Variants in MIA3 observed in about 807,000 individuals in gnomAD.
MIA3 encodes transport and Golgi organization protein 1 homolog.
In MIA3, 90 loss-of-function variants were observed where a neutral mutation model predicts 192.4. That is an observed-to-expected ratio of 0.47 (90% CI 0.39 to 0.56). The LOEUF is 0.56. Among genes scored for constraint, MIA3 ranks in the 20% least tolerant of loss-of-function variants. MIA3 has a pLI of 0.00. For missense variants in MIA3, 2,123 were observed against 2,269.4 expected (o/e 0.94, Z 1.31); for synonymous variants, 740 against 792.8 (o/e 0.93, Z 1.12).
At chr1:222,648,287 A>G (rs1021575066) in intron 7 of MIA3, among the ~76,000 whole-genome samples, 11 of 152,188 alleles carry the variant, frequency 7.2e-5, no homozygotes, top group African/African-American at 2.4e-4. Context: ...TATTTATAGC[A>G]TTATTTTTAA....
intron 5 of MIA3, 112 bp downstream of exon 5, chr1:222,632,438 G>T: frequency 1.1e-6 from 1 of 921,510 alleles, no homozygotes; most frequent in Non-Finnish European, 1.6e-6. Flanking sequence ...AAGGAAAAAA[G>T]GATCCCAGAG....
intron 17 of MIA3, 26 bp from the exon 18 acceptor site, chr1:222,654,629 G>T: frequency 1.2e-6 from 2 of 1,610,886 alleles, no homozygotes; most frequent in Non-Finnish European, 1.7e-6. Context: ...CACACATATG[G>T]AACTCAAATG....
At chr1:222,655,962 CCTTTTTTTTTTT>C (rs1352913762) in intron 18 of MIA3, among the ~76,000 whole-genome samples, 32 of 71,282 alleles carry the variant, frequency 4.5e-4, no homozygotes, top group African/African-American at 1.1e-3. Context: ...ACTTTCTTTC[CCTTTTTTTTTTT>C]TTTTTTTTTT....
Position 222,667,635 on chromosome 1 carries a change from C to A in MIA3, c.*2016C>A, listed in dbSNP as rs1386538065. ...GTTGTGAGCCAGTCCATAACTGCTT[C>A]CTCACATCCATCTGATTGCACCATT... On this transcript the variant is annotated 3_prime_UTR_variant, in exon 28 of 28. Transcript: ENST00000344922. 6.6e-6 allele frequency: 1 copy of A among 152,166 alleles called. No homozygotes were observed. Among genetic ancestry groups the A allele is most frequent in the African/African-American group, 2.4e-5 (1 of 41,416 alleles). 9.4% of individuals were successfully genotyped at this position (152,166 alleles called of 1,614,324 possible).
At chr1:222,636,508 T>TA (rs1662631301) in intron 6 of MIA3, among the ~76,000 whole-genome samples, 1 of 35,414 alleles carries the variant, frequency 2.8e-5, no homozygotes, top group Admixed American at 3.1e-4. Flanking sequence ...GTGTCCATCT[T>TA]TTTTTTTTTT....
rs908871078 is a variant in MIA3, at chr1:222,667,580, G to T, written c.*1961G>T. ...GACATAATTGAGAAACTGGTAAGCTGTAAAGATTCCAGTGTAGCTTCTCTG... is the reference window on the plus strand; with the variant it reads ...GACATAATTGAGAAACTGGTAAGCTTTAAAGATTCCAGTGTAGCTTCTCTG... On this transcript the variant is annotated 3_prime_UTR_variant, in exon 28 of 28. Coordinates refer to ENST00000344922, the MANE Select transcript of MIA3 (RefSeq NM_198551.4). The T allele has an allele frequency of 6.6e-6, 1 of 152,152 alleles. No homozygotes were observed. The highest frequency in any genetic ancestry group is 1.5e-5 in the Non-Finnish European group (1 of 68,012). The allele number at this position is 152,152 out of a possible 1,614,324, so 9.4% of individuals were successfully genotyped here.
At chr1:222,664,322 C>T (rs1261612612) in intron 27 of MIA3, among the ~76,000 whole-genome samples, 174 bp downstream of exon 27, 2 of 152,200 alleles carry the variant, frequency 1.3e-5, no homozygotes, top group Non-Finnish European at 2.9e-5. Flanking sequence ...ACATAATCTC[C>T]TGTGATTAGA....
intron 6 of MIA3, among the ~76,000 whole-genome samples, chr1:222,643,717 G>A (rs1207345300): frequency 1.3e-5 from 2 of 151,922 alleles, no homozygotes; most frequent in African/African-American, 4.8e-5. Context: ...GATGGCTTGA[G>A]CCCCGGAGTT....
intron 6 of MIA3, among the ~76,000 whole-genome samples, chr1:222,634,223 AG>A (rs1223505447): frequency 2.6e-5 from 4 of 151,982 alleles, no homozygotes; most frequent in African/African-American, 7.2e-5. Flanking sequence ...TGGGAGGCTG[AG>A]GCAGGAGAAT....
intron 3 of MIA3, among the ~76,000 whole-genome samples, chr1:222,627,232 C>A (rs1430593376): frequency 6.6e-6 from 1 of 152,252 alleles, no homozygotes; most frequent in African/African-American, 2.4e-5. Flanking sequence ...GTGGGACTGT[C>A]CCTGTAAAAC....
At chr1:222,645,448 T>A in intron 6 of MIA3, 106 bp from the exon 7 acceptor site, 1 of 957,888 alleles carries the variant, frequency 1.0e-6, no homozygotes, top group East Asian at 2.7e-5. Flanking sequence ...GGGATAGGTA[T>A]CTGATAGAGT....
chr1:222,659,704 C>T, intron 21 of MIA3, 30 bp from the exon 22 acceptor site: 1 of 1,613,804 alleles, frequency 6.2e-7, no homozygotes, highest in Non-Finnish European at 8.5e-7. Flanking sequence ...TAGTCTCCCA[C>T]AACTGAATTT....
At chr1:222,640,827 A>G (rs1416902067) in intron 6 of MIA3, among the ~76,000 whole-genome samples, 1 of 152,212 alleles carries the variant, frequency 6.6e-6, no homozygotes, top group Admixed American at 6.5e-5. Flanking sequence ...GGAAAGAGTC[A>G]CTGCAAAGCA....
chr1:222,648,796 G>C, intron 7 of MIA3, 33 bp from the exon 8 acceptor site: 2 of 1,164,482 alleles, frequency 1.7e-6, no homozygotes, highest in Non-Finnish European at 2.6e-6. Flanking sequence ...TAAAATGTTT[G>C]ACATCAAATT....
At chr1:222,656,999 G>A (rs890986424) in intron 18 of MIA3, among the ~76,000 whole-genome samples, 1 of 152,156 alleles carries the variant, frequency 6.6e-6, no homozygotes, top group African/African-American at 2.4e-5. Flanking sequence ...TCCCTTATGA[G>A]TGTGTTTCTC....
In MIA3 at chr1:222,633,190, A is replaced by T. The variant is rs981176843; in HGVS notation, c.3418A>T (p.Thr1140Ser). ...AGCCGCCGAAGAGCCGGCAAGTGTC[A>T]CACCTTTGGAAAACGCAATCCTTCT... ...ETAAEEPASV[T>S]PLENAILLIY... Residue 1140 changes from threonine (T) to serine (S), a missense_variant, in exon 6 of 28, where the codon ACA becomes TCA. Thr to Ser is a moderately conservative substitution (Grantham distance 58). Around this residue, in one of 3 missense-constraint regions of MIA3, gnomAD observed 1,357 missense variants for 1,396.1 expected, o/e 0.97. Transcript: ENST00000344922. The T allele has an allele frequency of 5.6e-6, 9 of 1,613,950 alleles. No homozygotes were observed. The highest frequency in any genetic ancestry group is 1.7e-5 in the Admixed American group (1 of 59,974).
intron 26 of MIA3, 191 bp downstream of exon 26, chr1:222,662,523 A>G (rs1664070979): frequency 7.9e-6 from 11 of 1,386,674 alleles, no homozygotes; most frequent in Non-Finnish European, 1.0e-5. Context: ...CTGAGCGTCC[A>G]GTAGCAGTAA....
At chr1:222,662,225 T>C in intron 25 of MIA3, 28 bp from the exon 26 acceptor site, 1 of 1,606,652 alleles carries the variant, frequency 6.2e-7, no homozygotes, top group Non-Finnish European at 8.5e-7. Flanking sequence ...TCAGAATAAG[T>C]CTACATCAGT....
At chr1:222,663,422 C>T (rs1435075457) in intron 26 of MIA3, among the ~76,000 whole-genome samples, 1 of 152,114 alleles carries the variant, frequency 6.6e-6, no homozygotes, top group Non-Finnish European at 1.5e-5. Context: ...CATGGAATTC[C>T]AGCCAGCCTC....
Sources: gnomAD v4.1 joint callset for allele counts (sites outside exome capture counted in the v4.1 genomes callset) on GRCh38, gnomAD v4.1.1 for gene constraint, gnomAD v4.1.1 regional missense constraint, MANE v1.5 for transcripts, NCBI Gene and HGNC (gene_info 2026-07-23, HGNC 2026-07-21) for gene names.